Variants in CFHR2 observed in about 807,000 individuals in gnomAD.
CFHR2 encodes the protein complement factor H related 2.
A neutral mutation model predicts 21.7 loss-of-function variants in CFHR2; 22 were observed. That is an observed-to-expected ratio of 1.01 (90% CI 0.72 to 1.45). The LOEUF (loss-of-function observed/expected upper bound fraction) is 1.45, where lower values mean the gene tolerates loss of function less well. Among genes scored for constraint, CFHR2 ranks in the 40% most tolerant of loss-of-function variants. The pLI is 0.00. For missense variants in CFHR2, 294 were observed against 293.3 expected, an observed-to-expected ratio of 1.00 and a Z score of -0.02; for synonymous variants, 98 against 97.4, an observed-to-expected ratio of 1.01 and a Z score of -0.04.
rs763232100 is a variant in CFHR2 at position 196,950,928 on chromosome 1, A to G, written c.330A>G (p.Val110=). 9 of 1,613,984 alleles carry G rather than the reference A, an allele frequency of 5.6e-6. No homozygotes were observed. The highest frequency in any genetic ancestry group is 1.3e-5 in the African/African-American group (1 of 74,932). ...AAACACATCTGGAAGGTGATACTGT[A>G]CAAATTATTTGCAACACAGGATACA... The part of the protein sequence containing the change: ...SGQTHLEGDT[V]QIICNTGYRL... The change falls in exon 3 of 5, where the codon GTA becomes GTG. Residue 110 remains valine (V), a synonymous_variant. Coordinates refer to ENST00000367415, the MANE Select transcript of CFHR2 (RefSeq NM_005666.4).
In CFHR2 at chr1:196,946,419, T is replaced by A. The variant is rs544550468; in HGVS notation, c.58+2481T>A. 2.0e-5 allele frequency among the ~76,000 whole-genome samples: 3 copies of A among 152,328 alleles called. No homozygotes were observed. The East Asian group carries it at 5.8e-4, about 29-fold the overall frequency. On this transcript the variant is annotated intron_variant, in intron 1 of 4. Coordinates refer to ENST00000367415, the MANE Select transcript of CFHR2 (RefSeq NM_005666.4). Reference sequence around the variant, plus strand: ...TAACCTTAGTTTATGTTGACCTTTTTACTTCATCAACTTTAATTTTTATGT... The same window carrying A: ...TAACCTTAGTTTATGTTGACCTTTTAACTTCATCAACTTTAATTTTTATGT...
At position 196,948,180 on chromosome 1, in the gene CFHR2, G is replaced by A. The variant is rs568433397; in HGVS notation, c.59-1275G>A. On this transcript the variant is annotated intron_variant, in intron 1 of 4. Transcript: ENST00000367415. ...TCCAGGACTCTACCCACCCCCAGTA[G>A]ATACCAAAATCCAAGGATATGCAAG... Among the ~76,000 whole-genome samples, 12 of 152,184 alleles carry A rather than the reference G, an allele frequency of 7.9e-5. No individual in the cohort carries two copies. The South Asian group carries it at 2.1e-3, about 26-fold the overall frequency.
intron 1 of CFHR2, among the ~76,000 whole-genome samples, chr1:196,948,472 C>T (rs573298413): frequency 9.7e-4 from 147 of 151,980 alleles, no homozygotes; most frequent in Middle Eastern, 3.4e-3. Flanking sequence ...GATGGGCTTT[C>T]GCCATGTTGG....
At position 196,949,321 on chromosome 1, in the gene CFHR2, A is replaced by C. The variant is rs1659635450; in HGVS notation, c.59-134A>C. On this transcript the variant is annotated intron_variant, in intron 1 of 4. Coordinates refer to ENST00000367415, the MANE Select transcript of CFHR2 (RefSeq NM_005666.4). ...ATGTCTTTTCATTCCTAATTTGGACACTGGAGAGCATTTAAGCTAAAGGCA... is the reference window on the plus strand; with the variant it reads ...ATGTCTTTTCATTCCTAATTTGGACCCTGGAGAGCATTTAAGCTAAAGGCA... 6.3e-6 allele frequency: 5 copies of C among 799,082 alleles called. No homozygotes were observed. In the South Asian group the frequency reaches 9.5e-5, roughly 15 times the overall value. 49.5% of individuals were successfully genotyped at this position (799,082 alleles called of 1,614,324 possible).
intron 1 of CFHR2, among the ~76,000 whole-genome samples, chr1:196,947,867 G>A (rs536457523): frequency 2.0e-5 from 3 of 152,252 alleles, no homozygotes; most frequent in Non-Finnish European, 4.4e-5. Flanking sequence ...AACTTTGGGT[G>A]ATAATTATAT....
intron 3 of CFHR2, 135 bp downstream of exon 3, chr1:196,951,163 T>A: frequency 9.0e-7 from 1 of 1,117,078 alleles, no homozygotes; most frequent in Non-Finnish European, 1.3e-6. Flanking sequence ...TGATTCTCAG[T>A]TCCAATTGTG....
Position 196,949,781 on chromosome 1 carries a change from C to T in CFHR2, c.253+132C>T. On this transcript the variant is annotated intron_variant, in intron 2 of 4. Coordinates refer to ENST00000367415, the MANE Select transcript of CFHR2 (RefSeq NM_005666.4). ...AGCTGGAAAGATGGGAGATGTAGTCCTTCTATTTTGAGATGGCTCCTATGA... is the reference window on the plus strand; with the variant it reads ...AGCTGGAAAGATGGGAGATGTAGTCTTTCTATTTTGAGATGGCTCCTATGA... 4.3e-6 allele frequency: 5 copies of T among 1,169,684 alleles called. No homozygotes were observed. In the Middle Eastern group the frequency reaches 6.0e-4, roughly 140 times the overall value. The allele number at this position is 1,169,684 out of a possible 1,614,324, so 72.5% of individuals were successfully genotyped here.
intron 3 of CFHR2, among the ~76,000 whole-genome samples, chr1:196,956,575 A>T (rs1223253330): frequency 6.6e-6 from 1 of 152,086 alleles, no homozygotes; most frequent in Non-Finnish European, 1.5e-5. Context: ...AGACTGGGTA[A>T]TTAATATTGC....
intron 2 of CFHR2, 140 bp from the exon 3 acceptor site, chr1:196,950,712 A>G (rs1659691783): frequency 2.3e-6 from 2 of 875,466 alleles, no homozygotes; most frequent in Non-Finnish European, 3.6e-6. Flanking sequence ...GCCTCAAATG[A>G]TCCACTCACC....
chr1:196,958,599 G>A (rs557399377), intron 4 of CFHR2, among the ~76,000 whole-genome samples: 55 of 152,124 alleles, frequency 3.6e-4, no homozygotes, highest in East Asian at 1.9e-3. Context: ...AACAAAAACA[G>A]CAATGATAGG....
chr1:196,948,164 C>G (rs1358385240), intron 1 of CFHR2, among the ~76,000 whole-genome samples: 1 of 152,118 alleles, frequency 6.6e-6, no homozygotes, highest in Non-Finnish European at 1.5e-5. Context: ...TTCCAGGACT[C>G]TACCCACCCC....
At chr1:196,948,834 A>G (rs2125005535) in intron 1 of CFHR2, among the ~76,000 whole-genome samples, 1 of 152,290 alleles carries the variant, frequency 6.6e-6, no homozygotes. Context: ...ATTTGTATAT[A>G]CAACATTAAC....
chr1:196,951,118 A>G, intron 3 of CFHR2, 90 bp downstream of exon 3: 3 of 1,447,322 alleles, frequency 2.1e-6, no homozygotes, highest in Non-Finnish European at 1.9e-6. Flanking sequence ...TAGGTTAAAT[A>G]TAGGTTTTGC....
intron 3 of CFHR2, among the ~76,000 whole-genome samples, chr1:196,957,279 T>C (rs1652924726): frequency 6.6e-6 from 1 of 152,000 alleles, no homozygotes; most frequent in African/African-American, 2.4e-5. Context: ...TGTCATTCCT[T>C]GAGTCCTGAA....
chr1:196,945,023 T>C (rs556009103), intron 1 of CFHR2, among the ~76,000 whole-genome samples: 1 of 147,608 alleles, frequency 6.8e-6, no homozygotes, highest in African/African-American at 2.5e-5. Flanking sequence ...ATTACAGGCA[T>C]GCACCACCAC....
At position 196,958,947 on chromosome 1, in the gene CFHR2, A is replaced by G. The variant is rs757224652; in HGVS notation, c.680A>G (p.Gln227Arg). The G allele has an allele frequency of 1.2e-6, 2 of 1,606,352 alleles. No homozygotes were observed. The highest frequency in any genetic ancestry group is 2.2e-5 in the East Asian group (1 of 44,678). ...YNIKLKWTNQ[Q>R]KLYSRTGDIV... ...ATAAAATTAAAGTGGACAAACCAACAAAAGCTTTATTCAAGAACAGGTGAC... is the reference window on the plus strand; with the variant it reads ...ATAAAATTAAAGTGGACAAACCAACGAAAGCTTTATTCAAGAACAGGTGAC... The change falls in exon 5 of 5, where the codon CAA becomes CGA. Residue 227 changes from glutamine to arginine, a missense_variant. Coordinates refer to ENST00000367415, the MANE Select transcript of CFHR2 (RefSeq NM_005666.4).
intron 3 of CFHR2, among the ~76,000 whole-genome samples, chr1:196,952,347 A>C (rs2125009659): frequency 6.6e-6 from 1 of 152,318 alleles, no homozygotes; most frequent in Non-Finnish European, 1.5e-5. Flanking sequence ...TTCAGTAAAC[A>C]GTTAAGTCAT....
intron 1 of CFHR2, among the ~76,000 whole-genome samples, chr1:196,947,070 G>A (rs1436711914): frequency 2.0e-5 from 3 of 152,034 alleles, no homozygotes; most frequent in South Asian, 2.1e-4. Context: ...TCACATGAGC[G>A]ATCAGTCATT....
chr1:196,946,991 C>T (rs1280441688), intron 1 of CFHR2, among the ~76,000 whole-genome samples: 2 of 152,100 alleles, frequency 1.3e-5, no homozygotes, highest in East Asian at 1.9e-4. Context: ...ATATATTACA[C>T]TGCTATGTTA....
Sources: allele counts gnomAD v4.1 joint callset (sites outside exome capture counted in the v4.1 genomes callset), GRCh38; gene constraint gnomAD v4.1.1; transcripts MANE v1.5; gene names NCBI Gene and HGNC (gene_info 2026-07-23, HGNC 2026-07-21).